The following FMN1 variants were observed in gnomAD, a reference collection of about 807,000 sequenced individuals.
The protein encoded by FMN1 is formin-1.
A neutral mutation model predicts 132.4 loss-of-function variants in FMN1; 110 were observed. The ratio of observed to expected loss-of-function variants is 0.83; its 90% CI spans 0.71 to 0.97. The LOEUF is 0.97. Among genes scored for constraint, FMN1 ranks in the 50% least tolerant of loss-of-function variants. The pLI, the probability that FMN1 is intolerant of heterozygous loss-of-function variation, is 0.00. For missense variants in FMN1, 1,792 were observed against 1,705.3 expected (o/e 1.05, Z -0.90); for synonymous variants, 722 against 651.7 (o/e 1.11, Z -1.64).
At chr15:32,922,195 GA>G (rs1453125707) in intron 10 of FMN1, among the ~76,000 whole-genome samples, 1 of 152,116 alleles carries the variant, frequency 6.6e-6, no homozygotes, top group Non-Finnish European at 1.5e-5. Context: ...CATGACACCT[GA>G]TGCGGAGCTG....
intron 16 of FMN1, among the ~76,000 whole-genome samples, chr15:32,870,580 A>G (rs992042730): frequency 6.6e-6 from 1 of 152,210 alleles, no homozygotes; most frequent in Non-Finnish European, 1.5e-5. Context: ...GGAATTGTCT[A>G]AAGCACCATT....
rs2030936536 is a variant in FMN1 at position 32,964,101 on chromosome 15, C to T, written c.3138+6G>A. The T allele has an allele frequency of 3.1e-6, 5 of 1,607,424 alleles. No individual in the cohort carries two copies. In the South Asian group the frequency reaches 4.4e-5, roughly 14 times the overall value. On this transcript the variant is annotated splice_donor_region_variant and intron_variant, in intron 9 of 20. Transcript: ENST00000616417. The stretch of plus-strand genomic sequence containing the variant: ...TAATTACAGCTTTGCCATAATCACT[C>T]AGTACCTTTTTGACCTTGTTTTTCT...
chr15:32,971,220 T>C (rs149516852), intron 7 of FMN1, among the ~76,000 whole-genome samples: 24 of 152,348 alleles, frequency 1.6e-4, no homozygotes, highest in Middle Eastern at 3.4e-3. Context: ...ACAGAAACGT[T>C]TGGATAAATC....
intron 4 of FMN1, among the ~76,000 whole-genome samples, chr15:33,113,809 G>T (rs2039806402): frequency 6.6e-6 from 1 of 152,168 alleles, no homozygotes; most frequent in Non-Finnish European, 1.5e-5. Context: ...CGGTCTTACA[G>T]CTGAGGCCCC....
rs1208939770 is a variant in FMN1, at chr15:33,153,909, G to T, written c.1006C>A (p.Leu336Met). 2 of 1,536,710 alleles carry T rather than the reference G, an allele frequency of 1.3e-6. No homozygotes were observed. Among genetic ancestry groups the T allele is most frequent in the Admixed American group, 2.0e-5 (1 of 50,992 alleles). Residue 336 changes from leucine to methionine, a missense_variant, in exon 4 of 21, where the codon CTG (leucine) becomes ATG (methionine). Leu to Met is a conservative substitution (Grantham distance 15). Transcript: ENST00000616417. Reference protein sequence around the residue: ...VSKVVAKVQDLSSQVQRVVKT... With the variant: ...VSKVVAKVQDMSSQVQRVVKT... ...ACTACTCTTTGTACCTGGGAGGACA[G>T]GTCCTGAACTTTGGCCACCACTTTG...
chr15:32,777,232 T>C lies in FMN1; in HGVS notation c.4131-313A>G, dbSNP rs562645600. ...CAGAGCATTATTTACTTCAGTGTTA[T>C]CCGGCTTGTGATCCACTTAGCAGAT... is the stretch of plus-strand genomic sequence containing the variant. On this transcript the variant is annotated intron_variant, in intron 19 of 20. Transcript: ENST00000616417. 2.6e-5 allele frequency among the ~76,000 whole-genome samples: 4 copies of C among 152,188 alleles called. No individual in the cohort carries two copies. The South Asian group carries it at 6.2e-4, about 24-fold the overall frequency.
intron 16 of FMN1, among the ~76,000 whole-genome samples, chr15:32,883,040 G>T (rs2059808296): frequency 6.6e-6 from 1 of 152,172 alleles, no homozygotes; most frequent in Non-Finnish European, 1.5e-5. Context: ...CAGGGACAGA[G>T]GAACCGTTTC....
chr15:33,058,061 G>A (rs1360171750), intron 6 of FMN1, among the ~76,000 whole-genome samples: 1 of 149,012 alleles, frequency 6.7e-6, no homozygotes. Flanking sequence ...AAGGTGTGGT[G>A]GGGCTGGTGG....
chr15:32,821,402 G>T (rs572350909), intron 17 of FMN1, among the ~76,000 whole-genome samples: 2 of 146,082 alleles, frequency 1.4e-5, no homozygotes. Flanking sequence ...TCCTTTACTG[G>T]TTTGAACATG....
At chr15:33,033,651 C>T (rs1011598556) in intron 6 of FMN1, among the ~76,000 whole-genome samples, 8 of 133,322 alleles carry the variant, frequency 6.0e-5, no homozygotes, top group African/African-American at 2.3e-4. Flanking sequence ...TCGTATTTGT[C>T]CCACCAGCTA....
chr15:32,828,021 G>A (rs946823930), intron 17 of FMN1, among the ~76,000 whole-genome samples: 1 of 152,164 alleles, frequency 6.6e-6, no homozygotes, highest in Non-Finnish European at 1.5e-5. Context: ...GGCTGGGTGT[G>A]GTGGCTCATG....
chr15:33,184,329 C>T (rs1399353573), intron 2 of FMN1, among the ~76,000 whole-genome samples: 1 of 151,998 alleles, frequency 6.6e-6, no homozygotes, highest in Admixed American at 6.6e-5. Context: ...AAAGTATTTC[C>T]TACTCTTTCT....
chr15:32,894,844 TTA>T (rs2060116112), intron 15 of FMN1, among the ~76,000 whole-genome samples: 1 of 3,904 alleles, frequency 2.6e-4, no homozygotes, highest in Admixed American at 3.6e-3. Context: ...TTTTTTCAGG[TTA>T]TTCTGTGTAT....
At chr15:32,775,460 G>A (rs2056386593) in intron 20 of FMN1, among the ~76,000 whole-genome samples, 1 of 152,130 alleles carries the variant, frequency 6.6e-6, no homozygotes, top group Non-Finnish European at 1.5e-5. Flanking sequence ...AACAAGCTTG[G>A]CTGTAAAAGT....
chr15:32,967,587 C>T lies in FMN1; in HGVS notation c.2987+1127G>A, dbSNP rs1446785975. Among the ~76,000 whole-genome samples the T allele has an allele frequency of 2.0e-5, 3 of 152,040 alleles. No homozygotes were observed. In the East Asian group the frequency reaches 5.8e-4, roughly 29 times the overall value. On this transcript the variant is annotated intron_variant, in intron 8 of 20. Transcript: ENST00000616417. ...CAGGATCATCTCACTTTTTTATGAA[C>T]CATTCATTTGGGAAATTACAAAGTA...
intron 4 of FMN1, among the ~76,000 whole-genome samples, chr15:33,107,356 T>A (rs1353159779): frequency 6.6e-6 from 1 of 152,058 alleles, no homozygotes; most frequent in Non-Finnish European, 1.5e-5. Context: ...ATGCCAACGA[T>A]CTTTTAAAAA....
chr15:32,890,937 G>A (rs4779595), intron 15 of FMN1, among the ~76,000 whole-genome samples: 28,581 of 152,130 alleles, frequency 0.19, 2,836 homozygotes, highest in East Asian at 0.22. Flanking sequence ...TGAGGATCCA[G>A]TTTCATTCTC....
intron 16 of FMN1, among the ~76,000 whole-genome samples, chr15:32,878,014 A>G (rs1238506825): frequency 2.0e-5 from 3 of 152,244 alleles, no homozygotes; most frequent in South Asian, 2.1e-4. Flanking sequence ...AAATAAATAG[A>G]AAATAATATG....
intron 4 of FMN1, among the ~76,000 whole-genome samples, chr15:33,119,952 G>C (rs1461724327): frequency 6.6e-6 from 1 of 152,140 alleles, no homozygotes; most frequent in Non-Finnish European, 1.5e-5. Context: ...AAAGCGTTTT[G>C]CAAACATGAT....
Sources: allele counts gnomAD v4.1 joint callset (sites outside exome capture counted in the v4.1 genomes callset), GRCh38; gene constraint gnomAD v4.1.1; transcripts MANE v1.5; gene names NCBI Gene and HGNC (gene_info 2026-07-23, HGNC 2026-07-21).